NR1H4: variants seen among roughly 807,000 people sequenced by gnomAD.
The protein encoded by NR1H4 is bile acid receptor.
In NR1H4, 23 loss-of-function variants were observed where a neutral mutation model predicts 58.5. The observed-to-expected ratio is 0.39, with a 90% confidence interval of 0.28 to 0.56. NR1H4 has a LOEUF of 0.56. Ranked by LOEUF, NR1H4 falls within the 20% of genes least tolerant of loss-of-function variation. NR1H4 has a pLI of 0.58. For missense variants in NR1H4, 487 were observed against 576.9 expected (o/e 0.84, Z 1.60); for synonymous variants, 214 against 198.0 (o/e 1.08, Z -0.68).
At chr12:100,546,918 C>G (rs572814087) in intron 9 of NR1H4, among the ~76,000 whole-genome samples, 65 of 152,256 alleles carry the variant, frequency 4.3e-4, no homozygotes, top group African/African-American at 1.5e-3. Context: ...CTCTGCCTGA[C>G]TGAGTACGAC....
In NR1H4 at chr12:100,559,618, A is replaced by C. The variant is rs552092908; in HGVS notation, c.1079-2267A>C. On this transcript the variant is annotated intron_variant, in intron 9 of 10. Transcript: ENST00000392986. ...TCACCGAGCCTTAGCTGCCTTCCCGAGGGGCAGGGCTCGGGACCTGCAGCC... is the reference window on the plus strand; with the variant it reads ...TCACCGAGCCTTAGCTGCCTTCCCGCGGGGCAGGGCTCGGGACCTGCAGCC... Among the ~76,000 whole-genome samples the C allele has an allele frequency of 1.7e-3, 261 of 152,114 alleles. 3 individuals carry two copies. The highest frequency in any genetic ancestry group is 1.5e-3 in the South Asian group (7 of 4,812).
chr12:100,553,239 C>T (rs1955246510), intron 9 of NR1H4, among the ~76,000 whole-genome samples: 1 of 152,134 alleles, frequency 6.6e-6, no homozygotes, highest in Non-Finnish European at 1.5e-5. Context: ...ACCTTGTGAT[C>T]CGCCCGCCTT....
chr12:100,518,598 A>G (rs1193299499), intron 4 of NR1H4, among the ~76,000 whole-genome samples: 2 of 152,164 alleles, frequency 1.3e-5, no homozygotes, highest in Admixed American at 6.5e-5. Flanking sequence ...CATCCAGACA[A>G]TAACAAGTTG....
chr12:100,475,124 C>CCTAT (rs10629376), intron 1 of NR1H4, among the ~76,000 whole-genome samples: 14,759 of 143,096 alleles, frequency 0.1, 756 homozygotes, highest in Admixed American at 0.11. Flanking sequence ...AAGTGGTTTA[C>CCTAT]CTATCTATCT....
At chr12:100,493,145 T>C (rs1013264614) in intron 2 of NR1H4, 125 bp from the exon 3 acceptor site, 12 of 607,586 alleles carry the variant, frequency 2.0e-5, no homozygotes, top group Middle Eastern at 2.8e-4. Flanking sequence ...AGAAAGGCTA[T>C]AGTAAAATGC....
chr12:100,528,385 G>A lies in NR1H4; in HGVS notation c.446-4073G>A, dbSNP rs573277568. Among the ~76,000 whole-genome samples the A allele has an allele frequency of 1.4e-4, 21 of 151,132 alleles. No homozygotes were observed. In the South Asian group the frequency reaches 4.4e-3, roughly 31 times the overall value. On this transcript the variant is annotated intron_variant, in intron 4 of 10. Transcript: ENST00000392986. ...CCATCTGGGAAAGAAAAAAAAAAAAGAGGCAGAAAAGCAGTGTGCAATATT... is the reference window on the plus strand; with the variant it reads ...CCATCTGGGAAAGAAAAAAAAAAAAAAGGCAGAAAAGCAGTGTGCAATATT...
intron 3 of NR1H4, among the ~76,000 whole-genome samples, chr12:100,507,900 T>G (rs1404806071): frequency 6.6e-6 from 1 of 152,138 alleles, no homozygotes; most frequent in Non-Finnish European, 1.5e-5. Context: ...ATATGTATAT[T>G]CTGAAATTTG....
At chr12:100,530,878 T>G (rs1443604660) in intron 4 of NR1H4, among the ~76,000 whole-genome samples, 1 of 152,214 alleles carries the variant, frequency 6.6e-6, no homozygotes, top group Non-Finnish European at 1.5e-5. Context: ...ATGTATCCCC[T>G]GAAGCTGACA....
chr12:100,554,153 T>G (rs1388326453), intron 9 of NR1H4, among the ~76,000 whole-genome samples: 3 of 152,198 alleles, frequency 2.0e-5, no homozygotes, highest in Non-Finnish European at 4.4e-5. Context: ...AGAGATTAGT[T>G]TGAAAGGAAA....
chr12:100,526,806 TCC>T (rs1954568194), intron 4 of NR1H4, among the ~76,000 whole-genome samples: 1 of 152,118 alleles, frequency 6.6e-6, no homozygotes. Flanking sequence ...CTCATCCCAT[TCC>T]CAATTCTACA....
At chr12:100,546,538 A>G (rs1955074383) in intron 9 of NR1H4, among the ~76,000 whole-genome samples, 1 of 152,022 alleles carries the variant, frequency 6.6e-6, no homozygotes, top group African/African-American at 2.4e-5. Context: ...TATTAAAAAT[A>G]TAAAAAATTA....
chr12:100,540,560 A>T (rs1954911070), intron 8 of NR1H4, 112 bp from the exon 9 acceptor site: 5 of 1,224,254 alleles, frequency 4.1e-6, no homozygotes, highest in Non-Finnish European at 6.0e-6. Context: ...TAGACTACCC[A>T]ATTTTAAACA....
At chr12:100,542,930 G>T (rs1489151910) in intron 9 of NR1H4, among the ~76,000 whole-genome samples, 1 of 151,520 alleles carries the variant, frequency 6.6e-6, no homozygotes, top group Non-Finnish European at 1.5e-5. Context: ...GCAGTGAAGA[G>T]AGAAATCAAG....
At chr12:100,552,637 A>G (rs1160775860) in intron 9 of NR1H4, among the ~76,000 whole-genome samples, 2 of 152,220 alleles carry the variant, frequency 1.3e-5, no homozygotes, top group Non-Finnish European at 2.9e-5. Flanking sequence ...AATAAGAAAT[A>G]TCTGGCCAGT....
chr12:100,521,948 G>T (rs1954430666), intron 4 of NR1H4, among the ~76,000 whole-genome samples: 1 of 152,170 alleles, frequency 6.6e-6, no homozygotes. Flanking sequence ...TGTAGTAAGT[G>T]TTATGAAAAT....
At chr12:100,502,169 C>T (rs549185316) in intron 3 of NR1H4, among the ~76,000 whole-genome samples, 2 of 152,242 alleles carry the variant, frequency 1.3e-5, no homozygotes, top group East Asian at 3.9e-4. Flanking sequence ...TTATCAACCC[C>T]ATTTTACAAC....
chr12:100,489,763 T>C lies in NR1H4; in HGVS notation c.-189-2740T>C, dbSNP rs142567500. 2.2e-3 allele frequency among the ~76,000 whole-genome samples: 336 copies of C among 152,334 alleles called. 1 individual carries two copies. The highest frequency in any genetic ancestry group is 3.4e-3 in the Middle Eastern group (1 of 294). ...AGGTAAGGAAAATGGGTGTCTAAGC[T>C]GGGAAGACTTTTTTTCAGTATACTG... On this transcript the variant is annotated intron_variant, in intron 1 of 10. Coordinates refer to ENST00000392986, the MANE Select transcript of NR1H4 (RefSeq NM_001206979.2).
intron 3 of NR1H4, among the ~76,000 whole-genome samples, chr12:100,503,125 G>A (rs979843499): frequency 4.6e-5 from 7 of 152,126 alleles, no homozygotes; most frequent in African/African-American, 1.4e-4. Context: ...CCGGAGCATG[G>A]CACTTGACCT....
At chr12:100,530,143 A>G (rs1251697531) in intron 4 of NR1H4, among the ~76,000 whole-genome samples, 1 of 152,238 alleles carries the variant, frequency 6.6e-6, no homozygotes, top group Non-Finnish European at 1.5e-5. Flanking sequence ...TGCAGCTTTC[A>G]GATAGTTGGT....
Sources: gnomAD v4.1 joint callset for allele counts (sites outside exome capture counted in the v4.1 genomes callset) on GRCh38, gnomAD v4.1.1 for gene constraint, MANE v1.5 for transcripts, NCBI Gene and HGNC (gene_info 2026-07-23, HGNC 2026-07-21) for gene names.